Variants in IQCM observed in about 807,000 individuals in gnomAD.
IQCM encodes the protein IQ domain-containing protein M.
Under a neutral mutation model 57.6 loss-of-function variants are expected in IQCM, and 45 were observed. That is an observed-to-expected ratio of 0.78 (90% confidence interval 0.62 to 1.00). The LOEUF (loss-of-function observed/expected upper bound fraction) is 1.00, where lower values mean the gene tolerates loss of function less well. Among genes scored for constraint, IQCM ranks in the 50% least tolerant of loss-of-function variants. The pLI, the probability that IQCM is intolerant of heterozygous loss-of-function variation, is 0.00. For missense variants in IQCM, 468 were observed against 511.6 expected (o/e 0.91, Z 0.82); for synonymous variants, 148 against 158.9 (o/e 0.93, Z 0.51).
At chr4:149,630,299 T>C (rs1223590660) in intron 7 of IQCM, among the ~76,000 whole-genome samples, 2 of 152,234 alleles carry the variant, frequency 1.3e-5, no homozygotes, top group Non-Finnish European at 2.9e-5. Flanking sequence ...GGATTGGGAC[T>C]GTGTCCCGGG....
intron 12 of IQCM, among the ~76,000 whole-genome samples, chr4:149,481,160 C>T (rs1226156870): frequency 2.0e-5 from 3 of 151,930 alleles, no homozygotes; most frequent in East Asian, 3.9e-4. Context: ...TTATTAATCC[C>T]TTGTCAGGTG....
At chr4:149,681,844 A>C (rs896813265) in intron 7 of IQCM, among the ~76,000 whole-genome samples, 2 of 151,352 alleles carry the variant, frequency 1.3e-5, no homozygotes, top group Non-Finnish European at 3.0e-5. Flanking sequence ...CTCAACTGTA[A>C]ATAAACTTTT....
intron 7 of IQCM, among the ~76,000 whole-genome samples, chr4:149,679,643 G>A (rs1434610952): frequency 6.6e-6 from 1 of 151,162 alleles, no homozygotes; most frequent in Non-Finnish European, 1.5e-5. Flanking sequence ...CTATGTACAT[G>A]TGTTATGCAT....
intron 12 of IQCM, among the ~76,000 whole-genome samples, chr4:149,506,161 G>A (rs1029733346): frequency 3.9e-5 from 6 of 152,150 alleles, no homozygotes; most frequent in Non-Finnish European, 8.8e-5. Context: ...AGCAGGAGTG[G>A]AGAACGAGGA....
At chr4:149,402,280 T>G (rs2111134532) in intron 13 of IQCM, among the ~76,000 whole-genome samples, 1 of 151,840 alleles carries the variant, frequency 6.6e-6, no homozygotes, top group East Asian at 1.9e-4. Flanking sequence ...CTTTTGATCT[T>G]CTACCCATAC....
At chr4:149,636,508 A>G in intron 7 of IQCM, among the ~76,000 whole-genome samples, 1 of 152,236 alleles carries the variant, frequency 6.6e-6, no homozygotes, top group South Asian at 2.1e-4. Flanking sequence ...GAGCAGAAGA[A>G]CCCAGAGAAG....
intron 7 of IQCM, among the ~76,000 whole-genome samples, chr4:149,668,513 G>A (rs926714923): frequency 2.0e-5 from 3 of 152,122 alleles, no homozygotes; most frequent in African/African-American, 7.2e-5. Context: ...TCTCAGGGCA[G>A]CGGGGGGCAA....
intron 2 of IQCM, among the ~76,000 whole-genome samples, chr4:149,772,067 C>T (rs2149989941): frequency 6.6e-6 from 1 of 152,226 alleles, no homozygotes; most frequent in African/African-American, 2.4e-5. Flanking sequence ...AGAGAGGTAA[C>T]TCTGAGCCTC....
chr4:149,456,881 A>T (rs1219400723), intron 12 of IQCM, among the ~76,000 whole-genome samples: 1 of 152,124 alleles, frequency 6.6e-6, no homozygotes. Context: ...AAGAAAAAGT[A>T]AAGAGGTGAG....
chr4:149,502,078 CACTTATGGGTAATTACTAACCATGAAT>C (rs556629777), intron 12 of IQCM, among the ~76,000 whole-genome samples: 2,616 of 152,014 alleles, frequency 0.017, 77 homozygotes, highest in African/African-American at 0.06. Context: ...TACATCAAAC[CACTTATGGGTAATTACTAACCATGAAT>C]AGATTTCTCT....
At chr4:149,577,912 G>A (rs1000095747) in intron 9 of IQCM, among the ~76,000 whole-genome samples, 2 of 151,696 alleles carry the variant, frequency 1.3e-5, no homozygotes, top group Non-Finnish European at 2.9e-5. Flanking sequence ...GCAGTGTTTT[G>A]TAATTCTCAT....
chr4:149,380,589 G>C (rs1316617087), intron 13 of IQCM, among the ~76,000 whole-genome samples: 3 of 152,138 alleles, frequency 2.0e-5, no homozygotes, highest in African/African-American at 4.8e-5. Context: ...CGGAAGAAGA[G>C]GGTCAATTAG....
chr4:149,705,638 G>A (rs923731608), intron 5 of IQCM, among the ~76,000 whole-genome samples: 19 of 151,732 alleles, frequency 1.3e-4, no homozygotes, highest in Middle Eastern at 3.2e-3. Context: ...GCAAAGATTC[G>A]AATTCAGTAT....
At chr4:149,517,546 T>G (rs1745108868) in intron 12 of IQCM, among the ~76,000 whole-genome samples, 1 of 152,198 alleles carries the variant, frequency 6.6e-6, no homozygotes, top group African/African-American at 2.4e-5. Flanking sequence ...TGGGTTCAAG[T>G]TGACAAGGGG....
At position 149,563,703 on chromosome 4, in the gene IQCM, C is replaced by G; in HGVS notation, c.937G>C (p.Val313Leu). Residue 313 changes from valine (V) to leucine (L), a missense_variant, in exon 10 of 14, where the codon GTA (valine) becomes CTA (leucine). Physicochemically the swap from Val to Leu is conservative, Grantham distance 32. Coordinates refer to ENST00000636793, the MANE Select transcript of IQCM (RefSeq NM_001363507.2). ...GATGGATATCTTACCTTGGTCATTA[C>G]TCTTTGCAATCTTTTCCGTTCAAGC... Reference protein sequence around the residue: ...GWLERKRLQRVMTKALDHGPD... With the variant: ...GWLERKRLQRLMTKALDHGPD... 8.1e-7 allele frequency: 1 copy of G among 1,231,792 alleles called. No individual in the cohort carries two copies. The highest frequency in any genetic ancestry group is 1.0e-6 in the Non-Finnish European group (1 of 987,752). The allele number at this position is 1,231,792 out of a possible 1,614,324, so 76.3% of individuals were successfully genotyped here. A position where few individuals can be genotyped will look rare whatever the true frequency, so the allele number is the denominator to read the frequency against.
chr4:149,401,623 C>T (rs1343105694), intron 13 of IQCM, among the ~76,000 whole-genome samples: 2 of 151,612 alleles, frequency 1.3e-5, no homozygotes, highest in African/African-American at 4.8e-5. Flanking sequence ...TGAAGATGAC[C>T]AGAACAATGC....
At chr4:149,767,446 A>AT (rs1770164836) in intron 2 of IQCM, among the ~76,000 whole-genome samples, 1 of 152,088 alleles carries the variant, frequency 6.6e-6, no homozygotes, top group South Asian at 2.1e-4. Flanking sequence ...ACAATATGTA[A>AT]TTTTTATTTC....
At chr4:149,776,552 T>C (rs1344879065) in intron 2 of IQCM, among the ~76,000 whole-genome samples, 1 of 152,188 alleles carries the variant, frequency 6.6e-6, no homozygotes, top group Non-Finnish European at 1.5e-5. Context: ...GATTATAACA[T>C]CCATATAAAG....
chr4:149,812,457 A>ATCTCTC (rs745971362), intron 2 of IQCM, among the ~76,000 whole-genome samples: 3 of 139,626 alleles, frequency 2.1e-5, no homozygotes, highest in East Asian at 2.1e-4. Flanking sequence ...TACCTTCTAG[A>ATCTCTC]TCTCTCTCTC....
Sources: allele counts gnomAD v4.1 joint callset (sites outside exome capture counted in the v4.1 genomes callset), GRCh38; gene constraint gnomAD v4.1.1; transcripts MANE v1.5; gene names NCBI Gene and HGNC (gene_info 2026-07-23, HGNC 2026-07-21).